The following RGS6 variants were observed in gnomAD, a reference collection of about 807,000 sequenced individuals.
The protein encoded by RGS6 is regulator of G-protein signaling 6.
In RGS6, 30 loss-of-function variants were observed where a neutral mutation model predicts 78.5. That is an observed-to-expected ratio of 0.38 (90% CI 0.29 to 0.52). RGS6 has a LOEUF of 0.52. Ranked by LOEUF, RGS6 falls within the 20% of genes least tolerant of loss-of-function variation. The pLI is 0.85. For synonymous variants in RGS6, 206 were observed against 206.0 expected (o/e 1.00, Z 0.00); for missense variants, 495 against 609.7 (o/e 0.81, Z 1.98).
the RGS6 span, among the ~76,000 whole-genome samples, chr14:71,907,932 C>T: frequency 6.6e-6 from 1 of 152,284 alleles, no homozygotes; most frequent in African/African-American, 2.4e-5. Flanking sequence ...TCACATTTAT[C>T]TGAACAAATA....
intron 2 of RGS6, among the ~76,000 whole-genome samples, chr14:72,073,590 C>T (rs940125261): frequency 6.6e-6 from 1 of 152,198 alleles, no homozygotes; most frequent in Admixed American, 6.5e-5. Context: ...CATCCACACT[C>T]ACACTGGGAC....
chr14:72,243,969 A>G (rs1306681081), intron 2 of RGS6, among the ~76,000 whole-genome samples: 2 of 152,166 alleles, frequency 1.3e-5, no homozygotes, highest in Non-Finnish European at 2.9e-5. Flanking sequence ...CTATTCATCA[A>G]TATTTTTGTT....
At chr14:72,190,973 A>G (rs2097316652) in intron 2 of RGS6, among the ~76,000 whole-genome samples, 1 of 152,114 alleles carries the variant, frequency 6.6e-6, no homozygotes, top group African/African-American at 2.4e-5. Context: ...CATCACTAGC[A>G]ATATGTTTCT....
At chr14:72,572,242 T>A in the RGS6 span, among the ~76,000 whole-genome samples, 2 of 152,182 alleles carry the variant, frequency 1.3e-5, no homozygotes, top group African/African-American at 4.8e-5. Context: ...TGAAATTTCC[T>A]CAAAAGCTTA....
At chr14:72,561,630 CT>C (rs1186192661) in intron 17 of RGS6, among the ~76,000 whole-genome samples, 1 of 152,250 alleles carries the variant, frequency 6.6e-6, no homozygotes, top group Non-Finnish European at 1.5e-5. Flanking sequence ...CAACGGGACT[CT>C]CCTGGCACCT....
the RGS6 span, among the ~76,000 whole-genome samples, chr14:72,616,085 A>T: frequency 1.3e-5 from 2 of 152,186 alleles, no homozygotes; most frequent in Non-Finnish European, 2.9e-5. Flanking sequence ...TCATCATGCC[A>T]GACCCGGGCC....
At chr14:72,488,146 A>C (rs1347025082) in intron 12 of RGS6, among the ~76,000 whole-genome samples, 1 of 152,174 alleles carries the variant, frequency 6.6e-6, no homozygotes, top group Non-Finnish European at 1.5e-5. Flanking sequence ...TAATACAATA[A>C]ATTTCCCTTC....
At chr14:72,125,160 G>C (rs2096157366) in intron 2 of RGS6, among the ~76,000 whole-genome samples, 1 of 152,134 alleles carries the variant, frequency 6.6e-6, no homozygotes, top group Non-Finnish European at 1.5e-5. Context: ...CCAAGCCTGA[G>C]TCACTCCTAG....
At chr14:72,511,215 G>A (rs1476728418) in intron 14 of RGS6, among the ~76,000 whole-genome samples, 1 of 152,184 alleles carries the variant, frequency 6.6e-6, no homozygotes, top group East Asian at 1.9e-4. Context: ...ATATAGTAGA[G>A]TAACACCCAT....
chr14:72,327,420 A>G (rs1436952920), intron 2 of RGS6, among the ~76,000 whole-genome samples: 1 of 152,228 alleles, frequency 6.6e-6, no homozygotes, highest in African/African-American at 2.4e-5. Flanking sequence ...CCCCAGAATT[A>G]AAGTAAGCTG....
At chr14:72,271,329 G>A (rs1296170223) in intron 2 of RGS6, among the ~76,000 whole-genome samples, 1 of 152,176 alleles carries the variant, frequency 6.6e-6, no homozygotes, top group African/African-American at 2.4e-5. Context: ...AGCTTGTGCA[G>A]GGGAACTCCC....
intron 2 of RGS6, among the ~76,000 whole-genome samples, chr14:72,292,697 A>G (rs542442504): frequency 9.8e-5 from 15 of 152,310 alleles, no homozygotes; most frequent in African/African-American, 3.6e-4. Flanking sequence ...TTCTTCACAT[A>G]AGCAAGATGT....
chr14:71,882,526 T>A, the RGS6 span, among the ~76,000 whole-genome samples: 1 of 152,224 alleles, frequency 6.6e-6, no homozygotes, highest in Non-Finnish European at 1.5e-5. Flanking sequence ...AAGACATTAC[T>A]GGATGACCTT....
At position 72,459,690 on chromosome 14, in the gene RGS6, A is replaced by G. The variant is rs769443689; in HGVS notation, c.394+7A>G. ...CCTGAAAACACTGACTATGGTGAGA[A>G]CTGAAGCCACTGGGAACTCTCAACT... On this transcript the variant is annotated splice_region_variant and intron_variant, in intron 6 of 17. Transcript: ENST00000553525. 6.2e-6 allele frequency: 10 copies of G among 1,613,924 alleles called. No individual in the cohort carries two copies. The highest frequency in any genetic ancestry group is 1.3e-5 in the African/African-American group (1 of 74,928).
chr14:72,366,102 T>C (rs1473445927), intron 3 of RGS6, among the ~76,000 whole-genome samples: 1 of 152,198 alleles, frequency 6.6e-6, no homozygotes, highest in African/African-American at 2.4e-5. Context: ...TGTATTAGTC[T>C]ATCTGCTACC....
chr14:71,976,425 C>G (rs1341926912), intron 2 of RGS6, among the ~76,000 whole-genome samples: 1 of 133,732 alleles, frequency 7.5e-6, no homozygotes, highest in Non-Finnish European at 1.6e-5. Context: ...CCCCACCCCA[C>G]AACAGTCCCC....
chr14:72,092,187 A>G (rs1280492313), intron 2 of RGS6, among the ~76,000 whole-genome samples: 1 of 151,524 alleles, frequency 6.6e-6, no homozygotes, highest in Non-Finnish European at 1.5e-5. Context: ...CACCACACCC[A>G]GCTAAGTTTT....
At chr14:72,339,103 C>T (rs1471210547) in intron 2 of RGS6, among the ~76,000 whole-genome samples, 1 of 151,828 alleles carries the variant, frequency 6.6e-6, no homozygotes, top group Non-Finnish European at 1.5e-5. Flanking sequence ...TAAAAAGTAC[C>T]CATTTGCTAT....
At chr14:72,095,619 A>G in intron 2 of RGS6, among the ~76,000 whole-genome samples, 1 of 152,200 alleles carries the variant, frequency 6.6e-6, no homozygotes, top group East Asian at 1.9e-4. Flanking sequence ...TTTCACAGAC[A>G]CATTAAGATT....
Sources: gnomAD v4.1 joint callset for allele counts (sites outside exome capture counted in the v4.1 genomes callset) on GRCh38, gnomAD v4.1.1 for gene constraint, MANE v1.5 for transcripts, NCBI Gene and HGNC (gene_info 2026-07-23, HGNC 2026-07-21) for gene names.